Variants in COL26A1 observed in about 807,000 individuals in gnomAD.
The protein encoded by COL26A1 is collagen type XXVI alpha 1 chain.
A neutral mutation model predicts 59.3 loss-of-function variants in COL26A1; 41 were observed. The observed-to-expected ratio is 0.69, with a 90% CI of 0.54 to 0.90. The LOEUF (loss-of-function observed/expected upper bound fraction) is 0.90. Among genes scored for constraint, COL26A1 ranks in the 40% least tolerant of loss-of-function variants. COL26A1 has a pLI of 0.00. For missense variants in COL26A1, 612 were observed against 602.3 expected (o/e 1.02, Z -0.17); for synonymous variants, 266 against 256.0 (o/e 1.04, Z -0.37).
At position 101,456,464 on chromosome 7, in the gene COL26A1, A is replaced by G. The variant is rs572798446; in HGVS notation, c.385+8677A>G. Among the ~76,000 whole-genome samples, 7 of 152,140 alleles carry G rather than the reference A, an allele frequency of 4.6e-5. No homozygotes were observed. In the East Asian group the frequency reaches 1.2e-3, roughly 25 times the overall value. ...TGGATCACCTGAGGTCGGGAGTTCG[A>G]GACCAGCCTGACCAACATGGAGAAA... On this transcript the variant is annotated intron_variant, in intron 3 of 12. Transcript: ENST00000313669.
At chr7:101,525,713 G>A (rs1001581524) in intron 3 of COL26A1, among the ~76,000 whole-genome samples, 5 of 151,928 alleles carry the variant, frequency 3.3e-5, no homozygotes, top group Non-Finnish European at 7.4e-5. Context: ...AGCCAGGATG[G>A]TCTCGATCTC....
rs1480608951 is a variant in COL26A1 at position 101,439,199 on chromosome 7, C to T, written c.282-8485C>T. Among the ~76,000 whole-genome samples the T allele has an allele frequency of 2.0e-5, 3 of 151,862 alleles. No individual in the cohort carries two copies. In the East Asian group the frequency reaches 5.8e-4, roughly 29 times the overall value. ...CTCAGCTCTGCATCCTGAAGGGGTG[C>T]CAACAGACCCAGGAGAGCCAGATCC... On this transcript the variant is annotated intron_variant, in intron 2 of 12. Transcript: ENST00000313669.
chr7:101,388,055 C>T (rs888060677), intron 1 of COL26A1, among the ~76,000 whole-genome samples: 2 of 148,840 alleles, frequency 1.3e-5, no homozygotes, highest in Admixed American at 1.3e-4. Context: ...TGAGCCACTG[C>T]GCCCTGCCAA....
chr7:101,482,131 C>T (rs190594496), intron 3 of COL26A1, among the ~76,000 whole-genome samples: 59 of 152,042 alleles, frequency 3.9e-4, no homozygotes, highest in African/African-American at 8.2e-4. Flanking sequence ...GTTCTCCTCC[C>T]GAGTAGCTGA....
chr7:101,481,461 T>C (rs1444271672), intron 3 of COL26A1, among the ~76,000 whole-genome samples: 1 of 149,084 alleles, frequency 6.7e-6, no homozygotes, highest in African/African-American at 2.5e-5. Context: ...TATATATATA[T>C]ATATATAATT....
intron 1 of COL26A1, among the ~76,000 whole-genome samples, chr7:101,386,507 T>A (rs563262795): frequency 6.6e-6 from 1 of 152,294 alleles, no homozygotes. Flanking sequence ...CTGGCTTGCT[T>A]TGTTCTCGTT....
At chr7:101,444,825 TTTTTA>T (rs1420644319) in intron 2 of COL26A1, among the ~76,000 whole-genome samples, 2 of 145,290 alleles carry the variant, frequency 1.4e-5, no homozygotes, top group Non-Finnish European at 3.1e-5. Flanking sequence ...GGGACTTTAT[TTTTTA>T]TTTTATTTTA....
chr7:101,453,401 T>C (rs543241768), intron 3 of COL26A1, among the ~76,000 whole-genome samples: 31 of 152,308 alleles, frequency 2.0e-4, no homozygotes, highest in African/African-American at 6.0e-4. Context: ...ACCACTCGTA[T>C]ATGCAGTCTG....
chr7:101,432,813 C>T (rs1389878195), intron 2 of COL26A1, among the ~76,000 whole-genome samples: 1 of 152,128 alleles, frequency 6.6e-6, no homozygotes, highest in Non-Finnish European at 1.5e-5. Flanking sequence ...ACCGATTCTC[C>T]TACCTCAGCC....
chr7:101,469,981 G>T (rs1328818783), intron 3 of COL26A1, among the ~76,000 whole-genome samples: 1 of 152,050 alleles, frequency 6.6e-6, no homozygotes, highest in Non-Finnish European at 1.5e-5. Context: ...CACGACCATG[G>T]GCAACTAGGA....
At chr7:101,440,986 AAAAAG>A (rs1490982715) in intron 2 of COL26A1, among the ~76,000 whole-genome samples, 105 of 145,620 alleles carry the variant, frequency 7.2e-4, no homozygotes, top group African/African-American at 2.4e-3. Flanking sequence ...AAAAAAAAAA[AAAAAG>A]AAAGAAAGAA....
chr7:101,436,138 G>GA (rs1792908928), intron 2 of COL26A1, among the ~76,000 whole-genome samples: 1 of 152,054 alleles, frequency 6.6e-6, no homozygotes, highest in African/African-American at 2.4e-5. Context: ...GGTGGACTGT[G>GA]ACCCTGGGCC....
intron 2 of COL26A1, among the ~76,000 whole-genome samples, chr7:101,445,037 C>T (rs1793153512): frequency 1.3e-5 from 2 of 151,196 alleles, no homozygotes; most frequent in Non-Finnish European, 2.9e-5. Context: ...GACAGGGTTT[C>T]ACCATGTTGG....
At chr7:101,404,545 C>T (rs548121633) in intron 1 of COL26A1, among the ~76,000 whole-genome samples, 12 of 152,208 alleles carry the variant, frequency 7.9e-5, no homozygotes, top group African/African-American at 2.6e-4. Flanking sequence ...ACAATAGCAC[C>T]GATATGAATG....
At chr7:101,440,444 A>G (rs1166008347) in intron 2 of COL26A1, among the ~76,000 whole-genome samples, 1 of 152,206 alleles carries the variant, frequency 6.6e-6, no homozygotes, top group Non-Finnish European at 1.5e-5. Context: ...TCATGGGGAC[A>G]GGAGGCCAGC....
At chr7:101,524,022 C>G (rs1795189943) in intron 3 of COL26A1, among the ~76,000 whole-genome samples, 1 of 152,078 alleles carries the variant, frequency 6.6e-6, no homozygotes, top group Non-Finnish European at 1.5e-5. Context: ...GTAATCCCAG[C>G]ACTTTGGGAG....
intron 3 of COL26A1, among the ~76,000 whole-genome samples, chr7:101,532,395 C>T (rs1470051345): frequency 6.6e-6 from 1 of 152,192 alleles, no homozygotes; most frequent in Non-Finnish European, 1.5e-5. Flanking sequence ...GATCCTTGAC[C>T]TTTCCAGCCT....
At chr7:101,456,634 A>G (rs56820685) in intron 3 of COL26A1, among the ~76,000 whole-genome samples, 25,622 of 151,524 alleles carry the variant, frequency 0.17, 3,041 homozygotes, top group East Asian at 0.33. Flanking sequence ...ATTGCACTCC[A>G]CCTCGGCAAC....
At chr7:101,369,598 G>A (rs1236540431) in intron 1 of COL26A1, among the ~76,000 whole-genome samples, 1 of 150,312 alleles carries the variant, frequency 6.7e-6, no homozygotes, top group Non-Finnish European at 1.5e-5. Flanking sequence ...ATAATCACCC[G>A]CCACCACACC....
Sources: allele counts gnomAD v4.1 joint callset (sites outside exome capture counted in the v4.1 genomes callset), GRCh38; gene constraint gnomAD v4.1.1; transcripts MANE v1.5; gene names NCBI Gene and HGNC (gene_info 2026-07-23, HGNC 2026-07-21).